C10orf90: variants seen among roughly 807,000 people sequenced by gnomAD.
C10orf90 encodes (E2-independent) E3 ubiquitin-conjugating enzyme FATS.
A neutral mutation model predicts 62.5 loss-of-function variants in C10orf90; 56 were observed. The observed-to-expected ratio is 0.90, with a 90% confidence interval of 0.72 to 1.12. C10orf90 has a LOEUF of 1.12. C10orf90 is among the 50% of genes most tolerant of loss of function. The pLI, the probability that C10orf90 is intolerant of heterozygous loss-of-function variation, is 0.00. For missense variants in C10orf90, 970 were observed against 880.4 expected, an observed-to-expected ratio of 1.10 and a Z score of -1.29; for synonymous variants, 386 against 340.4, an observed-to-expected ratio of 1.13 and a Z score of -1.47.
chr10:126,451,300 T>C (rs1218182164), intron 7 of C10orf90, among the ~76,000 whole-genome samples: 2 of 152,002 alleles, frequency 1.3e-5, no homozygotes, highest in Non-Finnish European at 2.9e-5. Flanking sequence ...AATGCAAAAA[T>C]AGAATGACCA....
chr10:126,582,348 C>A (rs773699818), intron 2 of C10orf90, among the ~76,000 whole-genome samples: 1 of 152,214 alleles, frequency 6.6e-6, no homozygotes, highest in Non-Finnish European at 1.5e-5. Flanking sequence ...GTGCAGTTGC[C>A]TTCTTACTCT....
intron 7 of C10orf90, among the ~76,000 whole-genome samples, chr10:126,454,234 G>A (rs2134079898): frequency 6.6e-6 from 1 of 152,006 alleles, no homozygotes; most frequent in Middle Eastern, 3.4e-3. Context: ...ATGACCTGCA[G>A]GGCTTGTACC....
chr10:126,426,987 G>C (rs891721052), intron 8 of C10orf90, among the ~76,000 whole-genome samples: 1 of 152,206 alleles, frequency 6.6e-6, no homozygotes, highest in East Asian at 1.9e-4. Flanking sequence ...GTGTCCCACT[G>C]TTATATAAAT....
chr10:126,514,741 C>T (rs975513468), intron 2 of C10orf90, among the ~76,000 whole-genome samples: 6 of 152,326 alleles, frequency 3.9e-5, no homozygotes, highest in Admixed American at 6.5e-5. Context: ...CACAGCCTTA[C>T]GCTACAGACC....
At chr10:126,509,874 C>T (rs1008272836) in intron 3 of C10orf90, among the ~76,000 whole-genome samples, 1 of 152,148 alleles carries the variant, frequency 6.6e-6, no homozygotes, top group African/African-American at 2.4e-5. Flanking sequence ...CCAGGGCTAC[C>T]ATAGCACCAA....
intron 1 of C10orf90, among the ~76,000 whole-genome samples, chr10:126,662,799 A>C (rs1846544308): frequency 6.9e-6 from 1 of 143,954 alleles, no homozygotes; most frequent in Non-Finnish European, 1.5e-5. Flanking sequence ...GCCTCCGTGC[A>C]TTCTTGCTGA....
At chr10:126,488,541 A>G (rs1396395611) in intron 4 of C10orf90, among the ~76,000 whole-genome samples, 1 of 151,962 alleles carries the variant, frequency 6.6e-6, no homozygotes. Context: ...AAATTGACAA[A>G]CAATAGAGAA....
intron 2 of C10orf90, among the ~76,000 whole-genome samples, chr10:126,612,964 C>T (rs1159626904): frequency 6.6e-6 from 1 of 152,114 alleles, no homozygotes; most frequent in Non-Finnish European, 1.5e-5. Context: ...CATACTAAAG[C>T]AGAGTTGGTC....
intron 2 of C10orf90, among the ~76,000 whole-genome samples, chr10:126,573,059 G>A (rs533201315): frequency 6.6e-6 from 1 of 152,230 alleles, no homozygotes; most frequent in South Asian, 2.1e-4. Flanking sequence ...ACACCGAATT[G>A]TAGAAGGAAA....
Position 126,581,180 on chromosome 10 carries a change from T to A in C10orf90, c.313+65385A>T, listed in dbSNP as rs189589341. 8.5e-5 allele frequency among the ~76,000 whole-genome samples: 13 copies of A among 152,322 alleles called. No homozygotes were observed. In the East Asian group the frequency reaches 2.3e-3, roughly 27 times the overall value. On this transcript the variant is annotated intron_variant, in intron 2 of 9. Coordinates refer to ENST00000488181, the MANE Select transcript of C10orf90 (RefSeq NM_001350921.2). ...TCAGCTTTCTCATTCCTCCGTCTCA[T>A]GTAGCCTCTGGGCAAAATGGGACCA...
Position 126,513,875 on chromosome 10 carries a change from G to T in C10orf90, c.378C>A (p.Val126=). Residue 126 remains valine, a synonymous_variant, in exon 3 of 10, where the codon GTC becomes GTA. Coordinates refer to ENST00000488181, the MANE Select transcript of C10orf90 (RefSeq NM_001350921.2). ...QIALKNLQSD[V]TEAKSDFTKE... is the part of the protein sequence containing the mutation. ...TGGTGAAGTCAGATTTTGCCTCTGT[G>T]ACATCAGACTGGAGATTTTTAAGGG... The T allele has an allele frequency of 6.2e-7, 1 of 1,612,818 alleles. No individual in the cohort carries two copies. Among genetic ancestry groups the T allele is most frequent in the Non-Finnish European group, 8.5e-7 (1 of 1,179,046 alleles).
At chr10:126,651,861 A>G (rs927889573) in intron 1 of C10orf90, among the ~76,000 whole-genome samples, 1 of 152,198 alleles carries the variant, frequency 6.6e-6, no homozygotes, top group African/African-American at 2.4e-5. Flanking sequence ...TGGAGTCCAA[A>G]GGAAAGAGGA....
intron 2 of C10orf90, among the ~76,000 whole-genome samples, chr10:126,544,575 C>T (rs968071732): frequency 9.3e-5 from 14 of 151,204 alleles, no homozygotes; most frequent in African/African-American, 3.4e-4. Context: ...CGAAAGTTAA[C>T]AGAATTTGTG....
In C10orf90 at chr10:126,426,036, C is replaced by A. The variant is rs768422156; in HGVS notation, c.2307G>T (p.Arg769Ser). Residue 769 changes from arginine (R) to serine (S), a missense_variant, in exon 9 of 10, where the codon AGG (arginine) becomes AGT (serine). Arg to Ser is a moderately radical substitution (Grantham distance 110). Coordinates refer to ENST00000488181, the MANE Select transcript of C10orf90 (RefSeq NM_001350921.2). ...GGAGTCTGTTACTTTGTAAGATCAC[C>A]CTTTTCCTTTGTTCTTCTTTTTTCT... Reference protein sequence around the residue: ...VKKKKEEQRKRVILQSNRLRA... With the variant: ...VKKKKEEQRKSVILQSNRLRA... 23 of 1,614,072 alleles carry A rather than the reference C, an allele frequency of 1.4e-5. No individual in the cohort carries two copies. In the East Asian group the frequency reaches 4.7e-4, roughly 33 times the overall value.
In C10orf90 at chr10:126,667,768, C is replaced by A. The variant is rs375322317; in HGVS notation, c.240+2473G>T. Among the ~76,000 whole-genome samples the A allele has an allele frequency of 2.2e-4, 33 of 152,310 alleles. 1 individual carries two copies. Among genetic ancestry groups the A allele is most frequent in the African/African-American group, 7.7e-4 (32 of 41,572 alleles). ...GCAGAGCTCCAATATAGGCTCATCC[C>A]ATCCTCCAGTTATGGCTACATTGAT... On this transcript the variant is annotated intron_variant, in intron 1 of 9. Transcript: ENST00000488181.
chr10:126,539,370 G>A (rs1034242546), intron 2 of C10orf90, among the ~76,000 whole-genome samples: 1 of 152,150 alleles, frequency 6.6e-6, no homozygotes, highest in Non-Finnish European at 1.5e-5. Context: ...TAAACATATG[G>A]GGGGAGGATG....
intron 1 of C10orf90, among the ~76,000 whole-genome samples, chr10:126,665,858 A>G (rs1220938346): frequency 6.6e-6 from 1 of 152,180 alleles, no homozygotes; most frequent in African/African-American, 2.4e-5. Context: ...CCTGCAGGGA[A>G]CTTCCCAGGT....
chr10:126,536,315 A>T (rs1313256752), intron 2 of C10orf90, among the ~76,000 whole-genome samples: 2 of 152,182 alleles, frequency 1.3e-5, no homozygotes, highest in Non-Finnish European at 2.9e-5. Flanking sequence ...TAAAACACAG[A>T]TGACTCTCCC....
At chr10:126,439,960 G>C (rs921805871) in intron 7 of C10orf90, among the ~76,000 whole-genome samples, 1 of 152,150 alleles carries the variant, frequency 6.6e-6, no homozygotes, top group Non-Finnish European at 1.5e-5. Flanking sequence ...GGAATCCTTT[G>C]GGAGGGCAGC....
Sources: allele counts gnomAD v4.1 joint callset (sites outside exome capture counted in the v4.1 genomes callset), GRCh38; gene constraint gnomAD v4.1.1; transcripts MANE v1.5; gene names NCBI Gene and HGNC (gene_info 2026-07-23, HGNC 2026-07-21).